The following CFAP70 variants were observed in gnomAD, a reference collection of about 807,000 sequenced individuals.
CFAP70 encodes cilia- and flagella-associated protein 70.
A neutral mutation model predicts 137.6 loss-of-function variants in CFAP70; 81 were observed. The observed-to-expected ratio is 0.59, with a 90% confidence interval of 0.49 to 0.71. CFAP70 has a LOEUF of 0.71. Among genes scored for constraint, CFAP70 ranks in the 30% least tolerant of loss-of-function variants. The pLI is 0.00. For missense variants in CFAP70, 976 were observed against 1,226.7 expected (o/e 0.80, Z 3.05); for synonymous variants, 382 against 423.6 (o/e 0.90, Z 1.20).
rs1219406074 is a variant in CFAP70, at chr10:73,277,205, T to C, written c.2520+35A>G. On this transcript the variant is annotated intron_variant, in intron 21 of 26. Coordinates refer to ENST00000310715, the Ensembl canonical transcript of CFAP70. ...ATAGAATAAAGAGTTTGCTAAAATC[T>C]TTCCATCTACTTGCCCTTTTCCAAA... 2.5e-6 allele frequency: 4 copies of C among 1,588,962 alleles called. No homozygotes were observed. In the African/African-American group the frequency reaches 4.1e-5, roughly 16 times the overall value.
intron 12 of CFAP70, among the ~76,000 whole-genome samples, chr10:73,308,834 CA>C (rs2049648937): frequency 7.5e-6 from 1 of 132,672 alleles, no homozygotes; most frequent in South Asian, 2.3e-4. Context: ...AACCTTTAGA[CA>C]AATGAAAACA....
At chr10:73,358,440 G>A (rs1326976538) in intron 1 of CFAP70, among the ~76,000 whole-genome samples, 1 of 152,206 alleles carries the variant, frequency 6.6e-6, no homozygotes, top group Non-Finnish European at 1.5e-5. Context: ...GTCTGGTCTG[G>A]GGACAAGCGC....
intron 4 of CFAP70, among the ~76,000 whole-genome samples, chr10:73,346,189 A>G (rs1405477722): frequency 6.6e-6 from 1 of 151,900 alleles, no homozygotes; most frequent in Non-Finnish European, 1.5e-5. Flanking sequence ...GAGCCACTGC[A>G]CCCAGCCTAT....
At chr10:73,285,819 G>C (rs192223370) in intron 19 of CFAP70, among the ~76,000 whole-genome samples, 1 of 151,960 alleles carries the variant, frequency 6.6e-6, no homozygotes, top group Non-Finnish European at 1.5e-5. Context: ...ATTTTTAGTA[G>C]AGATGGGGTT....
At chr10:73,354,867 A>G (rs1181881598) in intron 1 of CFAP70, 32 bp from the exon 2 acceptor site, 6 of 1,309,662 alleles carry the variant, frequency 4.6e-6, no homozygotes, top group South Asian at 1.2e-5. Flanking sequence ...CTGTCCCCTC[A>G]TGTACCACAG....
intron 9 of CFAP70, among the ~76,000 whole-genome samples, chr10:73,318,918 A>G (rs753255321): frequency 6.6e-6 from 1 of 152,210 alleles, no homozygotes; most frequent in Non-Finnish European, 1.5e-5. Flanking sequence ...AAAAGTTTTT[A>G]CCAATTACGC....
intron 19 of CFAP70, among the ~76,000 whole-genome samples, chr10:73,290,240 A>C (rs2048073746): frequency 6.6e-6 from 1 of 152,192 alleles, no homozygotes; most frequent in South Asian, 2.1e-4. Flanking sequence ...TAAATCTCAA[A>C]GTAATTATGC....
chr10:73,271,447 G>A (rs778867254), intron 24 of CFAP70, among the ~76,000 whole-genome samples: 3 of 152,196 alleles, frequency 2.0e-5, no homozygotes, highest in East Asian at 3.9e-4. Context: ...AGGAGGCAGA[G>A]GTTGCAGTGA....
Position 73,291,758 on chromosome 10 carries a change from G to A in CFAP70, c.1905-3C>T, listed in dbSNP as rs1222593247. The stretch of plus-strand genomic sequence containing the variant: ...CCAGGACACCACACAGCAACAAGCT[G>A]AGAAAAGATCACCAACATGATTAAC... On this transcript the variant is annotated splice_region_variant and splice_polypyrimidine_tract_variant and intron_variant, in intron 17 of 26. Coordinates refer to ENST00000310715, the Ensembl canonical transcript of CFAP70. 2.5e-6 allele frequency: 4 copies of A among 1,613,996 alleles called. No individual in the cohort carries two copies. The highest frequency in any genetic ancestry group is 3.4e-6 in the Non-Finnish European group (4 of 1,179,996).
At chr10:73,355,544 G>A (rs954091020) in intron 1 of CFAP70, among the ~76,000 whole-genome samples, 6 of 152,164 alleles carry the variant, frequency 3.9e-5, no homozygotes, top group Admixed American at 1.3e-4. Context: ...TTTGGAAGGC[G>A]AGGCGGGCGG....
intron 12 of CFAP70, among the ~76,000 whole-genome samples, chr10:73,304,070 T>C (rs758453381): frequency 3.9e-5 from 6 of 152,146 alleles, no homozygotes; most frequent in Non-Finnish European, 7.4e-5. Context: ...TTTTTTTTTT[T>C]TGAGACAGAG....
At chr10:73,341,548 G>A in exon 6 of CFAP70, 1 of 1,614,026 alleles carries the variant, frequency 6.2e-7, no homozygotes, top group Non-Finnish European at 8.5e-7. Context: ...CCAAGCTTCA[G>A]AGTTCCATTC....
At chr10:73,284,619 A>G (rs1293179258) in intron 19 of CFAP70, among the ~76,000 whole-genome samples, 2 of 140,118 alleles carry the variant, frequency 1.4e-5, no homozygotes, top group Non-Finnish European at 3.2e-5. Context: ...AACATTTTTT[A>G]GTATCCCATT....
intron 6 of CFAP70, among the ~76,000 whole-genome samples, chr10:73,338,989 G>A (rs918151688): frequency 6.7e-6 from 1 of 149,620 alleles, no homozygotes; most frequent in Non-Finnish European, 1.5e-5. Context: ...ACACAATCCT[G>A]ACTCACTTCA....
In CFAP70 at chr10:73,291,243, T is replaced by C. The variant is rs1045252285; in HGVS notation, c.2222A>G (p.Lys741Arg). ...GGCTCTACCTGCTGGGGCTTCCACC[T>C]TGATTGCTGTTGCAGAACCATTTGT... Residue 741 changes from lysine (K) to arginine (R), a missense_variant, in exon 19 of 27, where the codon AAG becomes AGG. By Grantham distance (26) the Lys-to-Arg change is conservative. Coordinates refer to ENST00000310715, the Ensembl canonical transcript of CFAP70. 2.0e-5 allele frequency: 33 copies of C among 1,614,030 alleles called. No homozygotes were observed. The Admixed American group carries it at 4.3e-4, about 21-fold the overall frequency.
At chr10:73,280,639 A>G (rs541683972) in intron 19 of CFAP70, among the ~76,000 whole-genome samples, 35 of 152,210 alleles carry the variant, frequency 2.3e-4, no homozygotes, top group African/African-American at 7.7e-4. Context: ...TCCTGAGTAC[A>G]TTTTGTTAGT....
intron 9 of CFAP70, among the ~76,000 whole-genome samples, chr10:73,320,648 C>T (rs1010115461): frequency 2.6e-5 from 4 of 151,572 alleles, no homozygotes; most frequent in Non-Finnish European, 4.4e-5. Flanking sequence ...ATTTAACTAT[C>T]TATAAAACAT....
chr10:73,310,244 A>G (rs1303885018), exon 12 of CFAP70: 23 of 1,606,646 alleles, frequency 1.4e-5, no homozygotes, highest in Non-Finnish European at 1.9e-5. Flanking sequence ...CTGCTTCTAC[A>G]TATTGCTGTA....
chr10:73,262,208 TAAAC>T (rs1478849025), intron 25 of CFAP70, among the ~76,000 whole-genome samples: 2 of 151,480 alleles, frequency 1.3e-5, no homozygotes, highest in Non-Finnish European at 2.9e-5. Flanking sequence ...ATTCCAGAAA[TAAAC>T]AATTCATAAG....
Sources: gnomAD v4.1 joint callset for allele counts (sites outside exome capture counted in the v4.1 genomes callset) on GRCh38, gnomAD v4.1.1 for gene constraint, MANE v1.5 for transcripts, NCBI Gene and HGNC (gene_info 2026-07-23, HGNC 2026-07-21) for gene names.